SDK2: variants seen among roughly 807,000 people sequenced by gnomAD.
The protein encoded by SDK2 is protein sidekick-2.
In SDK2, 105 loss-of-function variants were observed where a neutral mutation model predicts 253.9. That is an observed-to-expected ratio of 0.41 (90% CI 0.35 to 0.49). SDK2 has a LOEUF of 0.49. Among genes scored for constraint, SDK2 ranks in the 20% least tolerant of loss-of-function variants. The probability of loss-of-function intolerance (pLI) is 0.06; values close to 1 mark genes in which losing one functional copy is unlikely to be tolerated. For synonymous variants in SDK2, 1,249 were observed against 1,234.9 expected, an observed-to-expected ratio of 1.01 and a Z score of -0.24; for missense variants, 2,608 against 3,003.0, an observed-to-expected ratio of 0.87 and a Z score of 3.07.
rs1214670207 is a variant in SDK2, at chr17:73,639,169, A to G, written c.64+4856T>C. 6.6e-6 allele frequency among the ~76,000 whole-genome samples: 1 copy of G among 152,208 alleles called. No individual in the cohort carries two copies. Among genetic ancestry groups the G allele is most frequent in the Non-Finnish European group, 1.5e-5 (1 of 68,026 alleles). ...ACAGATGAGAAAACTGGCTCAGCTC[A>G]GCATCGCCCAGTGATGGAGGCAGGA... On this transcript the variant is annotated intron_variant, in intron 1 of 44. Coordinates refer to ENST00000392650, the MANE Select transcript of SDK2 (RefSeq NM_001144952.2). This position sits in a 1 kb window ranked among gnomAD's most constrained non-coding sequence, Gnocchi z 4.3.
At chr17:73,476,859 C>T (rs930158965) in intron 2 of SDK2, among the ~76,000 whole-genome samples, 29 of 152,190 alleles carry the variant, frequency 1.9e-4, no homozygotes, top group Admixed American at 7.9e-4. Context: ...TCCCCCAGGC[C>T]GCCCTCTGTA....
chr17:73,523,013 G>A (rs2064094849), intron 1 of SDK2, among the ~76,000 whole-genome samples: 2 of 152,198 alleles, frequency 1.3e-5, no homozygotes, highest in African/African-American at 4.8e-5. Flanking sequence ...TCTCTAGTGG[G>A]AAGCATCTGT....
chr17:73,613,525 G>A (rs951277724), intron 1 of SDK2, among the ~76,000 whole-genome samples: 1 of 152,058 alleles, frequency 6.6e-6, no homozygotes, highest in Admixed American at 6.5e-5. Context: ...GCTTTCCATG[G>A]CTGTCAGCTG....
chr17:73,606,985 G>A (rs941988337), intron 1 of SDK2, among the ~76,000 whole-genome samples: 1 of 152,168 alleles, frequency 6.6e-6, no homozygotes, highest in Admixed American at 6.5e-5. Context: ...AATGCTTCTT[G>A]AGGGTCTCCA....
intron 1 of SDK2, among the ~76,000 whole-genome samples, chr17:73,582,448 C>T (rs1360346396): frequency 6.6e-6 from 1 of 152,236 alleles, no homozygotes; most frequent in Non-Finnish European, 1.5e-5. Flanking sequence ...TTTTTTCATG[C>T]TGGCAACAGC....
At chr17:73,382,669 A>G (rs1356760253) in intron 33 of SDK2, among the ~76,000 whole-genome samples, 1 of 152,282 alleles carries the variant, frequency 6.6e-6, no homozygotes, top group Non-Finnish European at 1.5e-5. Flanking sequence ...AATGCGGAAT[A>G]CTAAATAATT....
chr17:73,600,739 T>C (rs1231051131), intron 1 of SDK2, among the ~76,000 whole-genome samples: 1 of 152,212 alleles, frequency 6.6e-6, no homozygotes, highest in Non-Finnish European at 1.5e-5. Flanking sequence ...TTTATTGTTG[T>C]GAAAACAAAC....
At chr17:73,362,406 ATT>A (rs35982157) in intron 38 of SDK2, among the ~76,000 whole-genome samples, 11 of 141,734 alleles carry the variant, frequency 7.8e-5, no homozygotes, top group African/African-American at 1.0e-4. Flanking sequence ...ATCTGCCACA[ATT>A]TTTTTTTTTT....
In SDK2 at chr17:73,431,432, T is replaced by A; in HGVS notation, c.1480+70A>T. ...GCCTGTGCCCCGTAGCTGTCCTGAGTCCTCAGCACCTACAGGGATGTACAC... is the reference window on the plus strand; with the variant it reads ...GCCTGTGCCCCGTAGCTGTCCTGAGACCTCAGCACCTACAGGGATGTACAC... On this transcript the variant is annotated intron_variant, in intron 11 of 44. Transcript: ENST00000392650. This position sits in a 1 kb window ranked among gnomAD's most constrained non-coding sequence, Gnocchi z 5.6. The A allele has an allele frequency of 2.8e-6, 4 of 1,450,432 alleles. No homozygotes were observed. The highest frequency in any genetic ancestry group is 3.7e-6 in the Non-Finnish European group (4 of 1,072,860). 89.8% of individuals were successfully genotyped at this position (1,450,432 alleles called of 1,614,324 possible).
At chr17:73,358,651 C>G (rs899774675) in intron 39 of SDK2, among the ~76,000 whole-genome samples, 12 of 152,024 alleles carry the variant, frequency 7.9e-5, no homozygotes, top group African/African-American at 2.7e-4. Context: ...AGAGTGGGCC[C>G]ATGAGAGGAG....
intron 36 of SDK2, among the ~76,000 whole-genome samples, chr17:73,376,425 G>T (rs192118442): frequency 1.3e-5 from 2 of 148,366 alleles, no homozygotes; most frequent in African/African-American, 2.5e-5. Flanking sequence ...CGCACCAGTT[G>T]GGTGCAGTCT....
intron 2 of SDK2, among the ~76,000 whole-genome samples, chr17:73,474,054 TG>T (rs201163571): frequency 6.6e-6 from 1 of 152,180 alleles, no homozygotes; most frequent in Non-Finnish European, 1.5e-5. Context: ...AAAAAAGAGA[TG>T]GGGGTCTTTC....
rs925274428 is a variant in SDK2 at position 73,402,034 on chromosome 17, G to A, written c.2592C>T (p.Phe864=). ...ACAGCACTGAGGTGAAGTACTCGGT[G>A]AACTTCTTCAGGCCAGACACGAAGC... ...HVGFVSGLKK[F]TEYFTSVLCF... is the part of the protein sequence containing the mutation. Residue 864 remains phenylalanine (F), a synonymous_variant, in exon 19 of 45, where the codon TTC becomes TTT. Coordinates refer to ENST00000392650, the MANE Select transcript of SDK2 (RefSeq NM_001144952.2). 1.2e-6 allele frequency: 2 copies of A among 1,613,990 alleles called. No individual in the cohort carries two copies. The highest frequency in any genetic ancestry group is 1.7e-6 in the Non-Finnish European group (2 of 1,179,876).
rs2044869297 is a variant in SDK2, at chr17:73,541,536, G to C, written c.65-33939C>G. On this transcript the variant is annotated intron_variant, in intron 1 of 44. Transcript: ENST00000392650. This position sits in a 1 kb window ranked among gnomAD's most constrained non-coding sequence, Gnocchi z 4.3. ...AGACAAGGACCCCGAGATAGGTAGA[G>C]GGGTGAGTGCCCGTGGTCTACTTCA... Among the ~76,000 whole-genome samples, 1 of 151,932 alleles carries C rather than the reference G, an allele frequency of 6.6e-6. No homozygotes were observed. Among genetic ancestry groups the C allele is most frequent in the African/African-American group, 2.4e-5 (1 of 41,354 alleles).
chr17:73,568,118 G>C (rs1175284597), intron 1 of SDK2, among the ~76,000 whole-genome samples: 2 of 152,190 alleles, frequency 1.3e-5, no homozygotes, highest in African/African-American at 4.8e-5. Context: ...GGGCCTGGGG[G>C]AGATGTTTGT....
At position 73,387,878 on chromosome 17, in the gene SDK2, G is replaced by C; in HGVS notation, c.4352C>G (p.Ser1451Trp). 1 of 1,588,714 alleles carries C rather than the reference G, an allele frequency of 6.3e-7. No individual in the cohort carries two copies. Among genetic ancestry groups the C allele is most frequent in the South Asian group, 1.1e-5 (1 of 87,218 alleles). Residue 1451 changes from serine (S) to tryptophan (W), a missense_variant, in exon 30 of 45, where the codon TCG (serine) becomes TGG (tryptophan). Physicochemically the swap from Ser to Trp is radical, Grantham distance 177 (BLOSUM62 -3). Coordinates refer to ENST00000392650, the MANE Select transcript of SDK2 (RefSeq NM_001144952.2). The part of the protein sequence containing the change: ...ELPSGRWALH[S>W]ASVSHNASSF... ...GGAGGCATTGTGGCTCACGGAGGCCGAGTGCAGTGCCCACCTGCCGCTGGG... is the reference window on the plus strand; with the variant it reads ...GGAGGCATTGTGGCTCACGGAGGCCCAGTGCAGTGCCCACCTGCCGCTGGG...
At chr17:73,421,808 G>A (rs571720258) in intron 15 of SDK2, among the ~76,000 whole-genome samples, 4 of 152,048 alleles carry the variant, frequency 2.6e-5, no homozygotes, top group African/African-American at 7.2e-5. Flanking sequence ...TGATCCGCCC[G>A]CCTCAGCCTC....
At chr17:73,580,484 G>C (rs1235607415) in intron 1 of SDK2, among the ~76,000 whole-genome samples, 3 of 152,240 alleles carry the variant, frequency 2.0e-5, no homozygotes, top group Non-Finnish European at 4.4e-5. Flanking sequence ...GGCTTCTCCG[G>C]AACACCGGGG....
chr17:73,360,302 T>C (rs1037219748), intron 39 of SDK2, among the ~76,000 whole-genome samples: 1 of 152,130 alleles, frequency 6.6e-6, no homozygotes, highest in African/African-American at 2.4e-5. Flanking sequence ...CTGTGGGGAA[T>C]AGAAAGTGAC....
Sources: gnomAD v4.1 joint callset for allele counts (sites outside exome capture counted in the v4.1 genomes callset) on GRCh38, gnomAD v4.1.1 for gene constraint, Gnocchi (gnomAD v3.1) non-coding constraint, MANE v1.5 for transcripts, NCBI Gene and HGNC (gene_info 2026-07-23, HGNC 2026-07-21) for gene names.